PPP4R4: variants seen among roughly 807,000 people sequenced by gnomAD.
PPP4R4 encodes serine/threonine-protein phosphatase 4 regulatory subunit 4.
Under a neutral mutation model 121.8 loss-of-function variants are expected in PPP4R4, and 70 were observed. The observed-to-expected ratio is 0.57, with a 90% confidence interval of 0.47 to 0.70. The LOEUF (loss-of-function observed/expected upper bound fraction) is 0.70, where lower values mean the gene tolerates loss of function less well. Among genes scored for constraint, PPP4R4 ranks in the 30% least tolerant of loss-of-function variants. The pLI, the probability that PPP4R4 is intolerant of heterozygous loss-of-function variation, is 0.00. For synonymous variants in PPP4R4, 348 were observed against 355.7 expected, an observed-to-expected ratio of 0.98 and a Z score of 0.24; for missense variants, 875 against 1,033.6, an observed-to-expected ratio of 0.85 and a Z score of 2.10.
chr14:94,246,882 A>G (rs1047274758), intron 14 of PPP4R4, among the ~76,000 whole-genome samples: 10 of 152,188 alleles, frequency 6.6e-5, no homozygotes, highest in South Asian at 2.1e-4. Flanking sequence ...CTTGACTGCA[A>G]AGGACCTTCT....
At chr14:94,275,330 G>T (rs535990016) in intron 23 of PPP4R4, 44 bp from the exon 24 acceptor site, 21 of 1,598,138 alleles carry the variant, frequency 1.3e-5, no homozygotes, top group Non-Finnish European at 1.7e-5. Flanking sequence ...TACCCTCTTT[G>T]TTAGTATATT....
At chr14:94,188,963 T>A (rs909880543) in intron 2 of PPP4R4, among the ~76,000 whole-genome samples, 1 of 152,146 alleles carries the variant, frequency 6.6e-6, no homozygotes, top group African/African-American at 2.4e-5. Flanking sequence ...ACTCAAAAAA[T>A]TATTTTAGAA....
At chr14:94,255,921 C>T (rs1005003096) in intron 16 of PPP4R4, among the ~76,000 whole-genome samples, 3 of 152,210 alleles carry the variant, frequency 2.0e-5, no homozygotes, top group African/African-American at 4.8e-5. Flanking sequence ...CTGCTAGTCT[C>T]ACCTTCACTC....
chr14:94,271,109 T>G (rs1214675040), intron 23 of PPP4R4, among the ~76,000 whole-genome samples: 1 of 152,030 alleles, frequency 6.6e-6, no homozygotes, highest in Non-Finnish European at 1.5e-5. Flanking sequence ...AGGAATAAAT[T>G]TTACCAATTA....
rs1281369443 is a variant in PPP4R4 at position 94,234,589 on chromosome 14, A to G, written c.651A>G (p.Val217=). ...TTAAGCGAGAAATACTTCCTCTGGT[A>G]AAATCACTCTGTCAAGATGTAGAAT... ...HTIKREILPL[V]KSLCQDVEYE... is the part of the protein sequence containing the mutation. The change falls in exon 7 of 25, where the codon GTA becomes GTG. Residue 217 remains valine (V), a synonymous_variant. Coordinates refer to ENST00000304338, the MANE Select transcript of PPP4R4 (RefSeq NM_058237.2). The G allele has an allele frequency of 4.4e-6, 7 of 1,606,070 alleles. No individual in the cohort carries two copies. The highest frequency in any genetic ancestry group is 6.0e-6 in the Non-Finnish European group (7 of 1,173,322).
At chr14:94,238,823 G>C (rs1032998488) in intron 8 of PPP4R4, among the ~76,000 whole-genome samples, 5 of 152,250 alleles carry the variant, frequency 3.3e-5, no homozygotes, top group African/African-American at 1.2e-4. Context: ...GACAATAATT[G>C]TGTTTGGAAA....
intron 8 of PPP4R4, among the ~76,000 whole-genome samples, chr14:94,239,194 TTC>T (rs1019123241): frequency 9.8e-5 from 14 of 143,282 alleles, no homozygotes; most frequent in African/African-American, 3.2e-4. Flanking sequence ...CTCCTTCTGC[TTC>T]TTTTTTTTTT....
chr14:94,191,367 A>G (rs1889590636), intron 2 of PPP4R4, among the ~76,000 whole-genome samples: 1 of 151,588 alleles, frequency 6.6e-6, no homozygotes, highest in Non-Finnish European at 1.5e-5. Flanking sequence ...TTTTCGTTTA[A>G]GTTGACATGT....
chr14:94,256,373 A>G, intron 16 of PPP4R4, 87 bp from the exon 17 acceptor site: 1 of 1,073,536 alleles, frequency 9.3e-7, no homozygotes. Flanking sequence ...ATGAACTCTC[A>G]GGCTATCTAA....
At chr14:94,275,628 G>T in intron 24 of PPP4R4, 107 bp downstream of exon 24, 1 of 1,273,090 alleles carries the variant, frequency 7.9e-7, no homozygotes, top group Admixed American at 2.1e-5. Flanking sequence ...TGTCTGTGAT[G>T]AGAAAATGTT....
intron 23 of PPP4R4, among the ~76,000 whole-genome samples, chr14:94,274,160 C>T (rs1351998796): frequency 1.3e-5 from 2 of 152,030 alleles, no homozygotes; most frequent in Non-Finnish European, 2.9e-5. Flanking sequence ...TTATACTATA[C>T]TCAAAATGTA....
At chr14:94,200,046 G>A (rs919802694) in intron 2 of PPP4R4, among the ~76,000 whole-genome samples, 1 of 152,112 alleles carries the variant, frequency 6.6e-6, no homozygotes, top group Non-Finnish European at 1.5e-5. Context: ...TCAGGGAACA[G>A]CCTTTCCCTT....
At position 94,202,180 on chromosome 14, in the gene PPP4R4, A is replaced by T. The variant is rs531620901; in HGVS notation, c.192-6284A>T. 5.9e-4 allele frequency among the ~76,000 whole-genome samples: 90 copies of T among 152,068 alleles called. 1 individual carries two copies. The highest frequency in any genetic ancestry group is 5.9e-3 in the Admixed American group (90 of 15,270). On this transcript the variant is annotated intron_variant, in intron 2 of 24. Coordinates refer to ENST00000304338, the MANE Select transcript of PPP4R4 (RefSeq NM_058237.2). ...AAGGGTGTGAGGGGTGTGAGGGGTA[A>T]AAGACTACACACTGGGTACAGTGTA...
intron 17 of PPP4R4, 148 bp downstream of exon 17, chr14:94,256,752 A>T (rs1893494079): frequency 3.2e-6 from 3 of 943,880 alleles, no homozygotes; most frequent in Non-Finnish European, 4.5e-6. Flanking sequence ...GATTTGGTTG[A>T]TATGTGCTAC....
At chr14:94,242,465 C>G (rs906599118) in intron 11 of PPP4R4, 57 bp downstream of exon 11, 2 of 1,510,182 alleles carry the variant, frequency 1.3e-6, no homozygotes, top group African/African-American at 2.8e-5. Flanking sequence ...CCTATGTATA[C>G]TAGATGATTT....
chr14:94,278,875 G>A lies in PPP4R4; in HGVS notation c.*232G>A, dbSNP rs998979399. 14 of 303,184 alleles carry A rather than the reference G, an allele frequency of 4.6e-5. No individual in the cohort carries two copies. The highest frequency in any genetic ancestry group is 6.6e-5 in the Non-Finnish European group (11 of 167,272). The allele number at this position is 303,184 out of a possible 1,614,324, so 18.8% of individuals were successfully genotyped here. On this transcript the variant is annotated 3_prime_UTR_variant, in exon 25 of 25. Coordinates refer to ENST00000304338, the MANE Select transcript of PPP4R4 (RefSeq NM_058237.2). ...ATTTCTTGAGTAATAATGTGGTTAC[G>A]GAATTCCAATGTTATAGTGAAGTGT...
chr14:94,261,460 G>C (rs911835465), intron 19 of PPP4R4, among the ~76,000 whole-genome samples: 3 of 151,722 alleles, frequency 2.0e-5, no homozygotes, highest in African/African-American at 7.3e-5. Context: ...TCTAAAAATT[G>C]TTTTTTAGAT....
intron 12 of PPP4R4, 113 bp from the exon 13 acceptor site, chr14:94,245,474 G>A: frequency 2.0e-6 from 1 of 505,826 alleles, no homozygotes; most frequent in Non-Finnish European, 3.4e-6. Flanking sequence ...TCCTCAAAAT[G>A]TTATTTGGGG....
chr14:94,254,738 C>T (rs1893374959), intron 16 of PPP4R4, among the ~76,000 whole-genome samples: 2 of 152,162 alleles, frequency 1.3e-5, no homozygotes, highest in Admixed American at 1.3e-4. Flanking sequence ...CACCTAGCAT[C>T]CCTCTCTAAA....
Sources: gnomAD v4.1 joint callset for allele counts (sites outside exome capture counted in the v4.1 genomes callset) on GRCh38, gnomAD v4.1.1 for gene constraint, MANE v1.5 for transcripts, NCBI Gene and HGNC (gene_info 2026-07-23, HGNC 2026-07-21) for gene names.